The following CCDC7 variants were observed in gnomAD, a reference collection of about 807,000 sequenced individuals.
The protein encoded by CCDC7 is coiled-coil domain-containing protein 7.
In CCDC7, 183 loss-of-function variants were observed where a neutral mutation model predicts 196.9. The ratio of observed to expected loss-of-function variants is 0.93; its 90% CI spans 0.82 to 1.05. CCDC7 has a LOEUF of 1.05. Ranked by LOEUF, CCDC7 falls within the 50% of genes least tolerant of loss-of-function variation. The probability of loss-of-function intolerance (pLI) is 0.00; values close to 1 mark genes in which losing one functional copy is unlikely to be tolerated. For synonymous variants in CCDC7, 525 were observed against 484.6 expected (o/e 1.08, Z -1.10); for missense variants, 1,540 against 1,482.2 (o/e 1.04, Z -0.64).
intron 20 of CCDC7, among the ~76,000 whole-genome samples, chr10:32,643,359 C>T (rs992452007): frequency 3.3e-5 from 5 of 152,084 alleles, no homozygotes; most frequent in Non-Finnish European, 5.9e-5. Context: ...TATCTCTTTT[C>T]ATCTACTTGT....
chr10:32,835,000 G>A (rs112919773), intron 33 of CCDC7, 102 bp downstream of exon 34: 18 of 501,406 alleles, frequency 3.6e-5, no homozygotes, highest in African/African-American at 1.4e-4. Flanking sequence ...TATTACATGC[G>A]AAAATATCTT....
intron 30 of CCDC7, among the ~76,000 whole-genome samples, chr10:32,810,196 T>C (rs1328477422): frequency 1.3e-5 from 2 of 152,130 alleles, no homozygotes; most frequent in Non-Finnish European, 2.9e-5. Flanking sequence ...CACATATCAA[T>C]ATTATTCTTG....
chr10:32,605,036 G>C (rs1665952085), intron 18 of CCDC7, among the ~76,000 whole-genome samples: 1 of 152,098 alleles, frequency 6.6e-6, no homozygotes, highest in Non-Finnish European at 1.5e-5. Context: ...TTAGAGTTGT[G>C]GGGGCAGATC....
chr10:32,544,665 T>C (rs2052116925), intron 13 of CCDC7, among the ~76,000 whole-genome samples: 1 of 152,152 alleles, frequency 6.6e-6, no homozygotes. Context: ...CCTATTTGAA[T>C]TTCAAATTTT....
At chr10:32,597,869 C>G (rs965626191) in intron 18 of CCDC7, among the ~76,000 whole-genome samples, 1 of 152,188 alleles carries the variant, frequency 6.6e-6, no homozygotes, top group East Asian at 1.9e-4. Flanking sequence ...CTGGAAGCTT[C>G]GTCTCAGAGG....
rs1273815646 is a variant in CCDC7, at chr10:32,494,234, C to T, written c.872+2237C>T. On this transcript the variant is annotated intron_variant, in intron 9 of 41. Coordinates refer to ENST00000639629, the Ensembl canonical transcript of CCDC7. The stretch of plus-strand genomic sequence containing the variant: ...TTGTATATGAGATGAGATAAGGACC[C>T]TATTTCATTCTTCTGTAGTCTCTTC... Among the ~76,000 whole-genome samples the T allele has an allele frequency of 2.0e-5, 3 of 152,054 alleles. No homozygotes were observed. The East Asian group carries it at 5.8e-4, about 29-fold the overall frequency.
intron 24 of CCDC7, among the ~76,000 whole-genome samples, chr10:32,708,171 A>G (rs1591860278): frequency 6.6e-6 from 1 of 152,166 alleles, no homozygotes; most frequent in African/African-American, 2.4e-5. Context: ...AATACCACAC[A>G]TCTACACCCA....
intron 9 of CCDC7, among the ~76,000 whole-genome samples, chr10:32,501,793 T>C (rs931183989): frequency 1.3e-5 from 2 of 152,148 alleles, no homozygotes; most frequent in African/African-American, 4.8e-5. Flanking sequence ...CTGGGAGGTA[T>C]CTCCCAGTCT....
intron 11 of CCDC7, among the ~76,000 whole-genome samples, chr10:32,522,376 G>C (rs955840336): frequency 6.6e-6 from 1 of 151,988 alleles, no homozygotes; most frequent in African/African-American, 2.4e-5. Flanking sequence ...TCAGGTTTTG[G>C]ATTTTTTCAT....
chr10:32,574,193 A>T (rs759445813), intron 16 of CCDC7, among the ~76,000 whole-genome samples: 1 of 151,796 alleles, frequency 6.6e-6, no homozygotes, highest in African/African-American at 2.4e-5. Context: ...CCAAAAATTC[A>T]TTTTGTTTGC....
At chr10:32,564,795 A>G (rs779012943) in intron 13 of CCDC7, among the ~76,000 whole-genome samples, 34 of 151,926 alleles carry the variant, frequency 2.2e-4, no homozygotes, top group Non-Finnish European at 1.0e-4. Flanking sequence ...TAAAACTTAA[A>G]GTATAAAAAA....
At chr10:32,706,154 G>A (rs2079707397) in intron 24 of CCDC7, among the ~76,000 whole-genome samples, 1 of 152,118 alleles carries the variant, frequency 6.6e-6, no homozygotes. Flanking sequence ...TAGAACTCAG[G>A]ATTGAGAAAC....
chr10:32,728,003 G>A (rs2083369190), intron 26 of CCDC7, among the ~76,000 whole-genome samples: 1 of 152,114 alleles, frequency 6.6e-6, no homozygotes, highest in African/African-American at 2.4e-5. Flanking sequence ...TTAGTGGTAG[G>A]TTCATCATGG....
intron 28 of CCDC7, among the ~76,000 whole-genome samples, chr10:32,777,800 G>A (rs993015133): frequency 9.9e-5 from 15 of 152,172 alleles, no homozygotes; most frequent in Admixed American, 9.8e-4. Flanking sequence ...GGAGGCGGAG[G>A]TTGCAGTAAG....
chr10:32,451,220 T>C (rs1312371118), upstream of CCDC7, among the ~76,000 whole-genome samples: 1 of 152,202 alleles, frequency 6.6e-6, no homozygotes. Context: ...ATTTAACACT[T>C]ACTAGCTGTG....
Position 32,476,238 on chromosome 10 carries a change from C to T in CCDC7, c.796+2215C>T, listed in dbSNP as rs141104007. 2.0e-3 allele frequency among the ~76,000 whole-genome samples: 308 copies of T among 152,290 alleles called. 2 individuals are homozygous for T. Among genetic ancestry groups the T allele is most frequent in the African/African-American group, 7.2e-3 (298 of 41,562 alleles). ...CCTCTTCCTCCATCCACCTGAATCC[C>T]TGGAAACCACTAATCTGTTTATTTA... On this transcript the variant is annotated intron_variant, in intron 8 of 41. Coordinates refer to ENST00000639629, the Ensembl canonical transcript of CCDC7.
At position 32,487,782 on chromosome 10, in the gene CCDC7, G is replaced by A. The variant is rs546690196; in HGVS notation, c.797-4140G>A. Among the ~76,000 whole-genome samples the A allele has an allele frequency of 2.2e-4, 33 of 152,288 alleles. No homozygotes were observed. In the East Asian group the frequency reaches 3.7e-3, roughly 17 times the overall value. ...CCCTGTTTGCCTGGGTATCAGCAGC[G>A]GAGGCTGCAGAACAGCAGATATTGG... On this transcript the variant is annotated intron_variant, in intron 8 of 41. Coordinates refer to ENST00000639629, the Ensembl canonical transcript of CCDC7.
chr10:32,609,032 A>G lies in CCDC7; in HGVS notation c.1801+24728A>G, dbSNP rs2061820142. On this transcript the variant is annotated intron_variant, in intron 18 of 41. Transcript: ENST00000639629. ...GATGAGGCTGGTTTTGTAGCCTAAG[A>G]TATGATCTATCCTGGAAAATGTTCC... Among the ~76,000 whole-genome samples, 4 of 152,202 alleles carry G rather than the reference A, an allele frequency of 2.6e-5. No individual in the cohort carries two copies. In the East Asian group the frequency reaches 7.7e-4, roughly 29 times the overall value.
intron 11 of CCDC7, among the ~76,000 whole-genome samples, chr10:32,525,145 A>G (rs2048461781): frequency 6.6e-6 from 1 of 151,938 alleles, no homozygotes; most frequent in African/African-American, 2.4e-5. Context: ...ACCTAATGTA[A>G]ATGACGAGTT....
Sources: gnomAD v4.1 joint callset for allele counts (sites outside exome capture counted in the v4.1 genomes callset) on GRCh38, gnomAD v4.1.1 for gene constraint, MANE v1.5 for transcripts, NCBI Gene and HGNC (gene_info 2026-07-23, HGNC 2026-07-21) for gene names.